The following DGKI variants were observed in gnomAD, a reference collection of about 807,000 sequenced individuals.
DGKI encodes the protein DAG kinase iota.
Under a neutral mutation model 147.5 loss-of-function variants are expected in DGKI, and 55 were observed. The ratio of observed to expected loss-of-function variants is 0.37; its 90% CI spans 0.30 to 0.47. The LOEUF is 0.47. DGKI is among the 20% of genes least tolerant of loss of function. The probability of loss-of-function intolerance (pLI) is 1.00; values close to 1 mark genes in which losing one functional copy is unlikely to be tolerated. For synonymous variants in DGKI, 469 were observed against 477.1 expected (o/e 0.98, Z 0.22); for missense variants, 1,007 against 1,323.8 (o/e 0.76, Z 3.71).
chr7:137,463,698 G>A (rs941884884), intron 26 of DGKI, 87 bp from the exon 27 acceptor site: 2 of 1,497,058 alleles, frequency 1.3e-6, no homozygotes, highest in Non-Finnish European at 1.8e-6. Context: ...AATCTTGCCA[G>A]TAAATGTGAG....
intron 28 of DGKI, among the ~76,000 whole-genome samples, chr7:137,430,817 G>A (rs779583848): frequency 1.3e-5 from 2 of 152,000 alleles, no homozygotes; most frequent in Admixed American, 1.3e-4. Context: ...TTGATAACAG[G>A]GACCTCTAAA....
intron 28 of DGKI, among the ~76,000 whole-genome samples, chr7:137,426,373 C>T (rs1011884154): frequency 5.9e-5 from 9 of 152,254 alleles, no homozygotes; most frequent in Middle Eastern, 3.4e-3. Context: ...ACCAGCAGGC[C>T]TGCCCTAAAA....
chr7:137,599,388 C>T (rs55951269), intron 11 of DGKI, among the ~76,000 whole-genome samples: 6 of 151,906 alleles, frequency 3.9e-5, no homozygotes, highest in African/African-American at 7.2e-5. Context: ...CACACACAAG[C>T]GCGCGCACAC....
At chr7:137,615,922 G>C (rs1270835420) in intron 8 of DGKI, among the ~76,000 whole-genome samples, 1 of 152,062 alleles carries the variant, frequency 6.6e-6, no homozygotes, top group Non-Finnish European at 1.5e-5. Flanking sequence ...GGTGGTATTG[G>C]CTCAAAAGTC....
intron 21 of DGKI, among the ~76,000 whole-genome samples, chr7:137,498,605 C>T (rs1441010640): frequency 6.6e-6 from 1 of 151,942 alleles, no homozygotes; most frequent in Admixed American, 6.6e-5. Context: ...CAAAGGCAAC[C>T]ATACAGTAAG....
At chr7:137,744,407 C>T (rs1795266215) in intron 1 of DGKI, among the ~76,000 whole-genome samples, 2 of 151,884 alleles carry the variant, frequency 1.3e-5, no homozygotes, top group African/African-American at 4.8e-5. Flanking sequence ...AAAATATAGA[C>T]ATATACCATC....
At position 137,465,815 on chromosome 7, in the gene DGKI, T is replaced by C. The variant is rs899666721; in HGVS notation, c.2612+93A>G. 27 of 1,467,328 alleles carry C rather than the reference T, an allele frequency of 1.8e-5. No homozygotes were observed. In the African/African-American group the frequency reaches 3.6e-4, roughly 19 times the overall value. 90.9% of individuals were successfully genotyped at this position (1,467,328 alleles called of 1,614,324 possible). A position where few individuals can be genotyped will look rare whatever the true frequency, so the allele number is the denominator to read the frequency against. ...AAGAAAATCTACACTTCAAAATCATTTGATGTCATTAGAACGATGTCAAGT... is the reference window on the plus strand; with the variant it reads ...AAGAAAATCTACACTTCAAAATCATCTGATGTCATTAGAACGATGTCAAGT... On this transcript the variant is annotated intron_variant, in intron 26 of 32. Transcript: ENST00000614521.
rs916108479 is a variant in DGKI at position 137,383,481 on chromosome 7, A to G, written c.*7739T>C. On this transcript the variant is annotated 3_prime_UTR_variant, in exon 33 of 33. Transcript: ENST00000614521. ...ACCTGGGGGAAAAAAATAGGCTCAA[A>G]TTGAGTTCTGTTCCAGTCTAAAATT... 6.6e-6 allele frequency: 1 copy of G among 151,716 alleles called. No homozygotes were observed. Among genetic ancestry groups the G allele is most frequent in the African/African-American group, 2.4e-5 (1 of 41,330 alleles). The allele number at this position is 151,716 out of a possible 1,614,324, so 9.4% of individuals were successfully genotyped here. A position where few individuals can be genotyped will look rare whatever the true frequency, so the allele number is the denominator to read the frequency against.
chr7:137,459,288 C>T (rs934968128), intron 27 of DGKI, among the ~76,000 whole-genome samples: 3 of 151,768 alleles, frequency 2.0e-5, no homozygotes, highest in African/African-American at 4.8e-5. Flanking sequence ...CCAACAGAGC[C>T]GGGTCAGTTG....
chr7:137,451,005 T>C (rs1483949026), intron 27 of DGKI, among the ~76,000 whole-genome samples: 1 of 152,168 alleles, frequency 6.6e-6, no homozygotes, highest in Non-Finnish European at 1.5e-5. Context: ...TAGAATATTA[T>C]GTAATTTAAC....
At chr7:137,509,262 T>C (rs781226146) in intron 21 of DGKI, among the ~76,000 whole-genome samples, 16 of 152,090 alleles carry the variant, frequency 1.1e-4, no homozygotes, top group Non-Finnish European at 2.2e-4. Flanking sequence ...AGAAAAATCA[T>C]TGGGAGTAAT....
At chr7:137,629,014 A>C (rs116154836) in intron 6 of DGKI, among the ~76,000 whole-genome samples, 2 of 152,348 alleles carry the variant, frequency 1.3e-5, no homozygotes, top group African/African-American at 4.8e-5. Flanking sequence ...ATTTGATCCA[A>C]CACAAGAGTT....
chr7:137,474,339 T>C (rs1815092313), intron 23 of DGKI, among the ~76,000 whole-genome samples: 2 of 152,200 alleles, frequency 1.3e-5, no homozygotes, highest in South Asian at 4.1e-4. Flanking sequence ...TTGAAGTCAA[T>C]GTTAAAATGA....
intron 1 of DGKI, among the ~76,000 whole-genome samples, chr7:137,735,500 C>T (rs527510739): frequency 1.3e-5 from 2 of 152,156 alleles, no homozygotes; most frequent in Non-Finnish European, 2.9e-5. Context: ...AAGCATTTAC[C>T]ACAGTTTAGT....
intron 6 of DGKI, among the ~76,000 whole-genome samples, chr7:137,642,569 T>C (rs556481192): frequency 9.8e-5 from 15 of 152,306 alleles, no homozygotes; most frequent in Middle Eastern, 3.4e-3. Context: ...CTGACTCTTA[T>C]GTAATCAAGG....
intron 21 of DGKI, among the ~76,000 whole-genome samples, chr7:137,511,820 C>T (rs1012128483): frequency 6.6e-6 from 1 of 152,204 alleles, no homozygotes; most frequent in Non-Finnish European, 1.5e-5. Context: ...ACAGCTGAGT[C>T]CTTCTCCAGA....
chr7:137,736,153 G>A (rs1024761047), intron 1 of DGKI, among the ~76,000 whole-genome samples: 1 of 152,192 alleles, frequency 6.6e-6, no homozygotes, highest in East Asian at 1.9e-4. Context: ...CCTAAGATAA[G>A]CCAAGAGAAA....
intron 1 of DGKI, chr7:137,771,552 C>T (rs1052045984): frequency 6.6e-6 from 1 of 152,188 alleles, no homozygotes; most frequent in Non-Finnish European, 1.5e-5. Flanking sequence ...AGTAAATTCT[C>T]TCTTAAACAA....
chr7:137,566,885 T>C (rs889305725), intron 19 of DGKI, among the ~76,000 whole-genome samples: 1 of 109,386 alleles, frequency 9.1e-6, no homozygotes, highest in African/African-American at 6.4e-5. Context: ...ACAGTGTATT[T>C]CTTTTGAGAT....
Sources: gnomAD v4.1 joint callset for allele counts (sites outside exome capture counted in the v4.1 genomes callset) on GRCh38, gnomAD v4.1.1 for gene constraint, MANE v1.5 for transcripts, NCBI Gene and HGNC (gene_info 2026-07-23, HGNC 2026-07-21) for gene names.